RSU1: variants seen among roughly 807,000 people sequenced by gnomAD.
The protein encoded by RSU1 is Ras suppressor protein 1.
Under a neutral mutation model 31.1 loss-of-function variants are expected in RSU1, and 26 were observed. The observed-to-expected ratio is 0.84, with a 90% CI of 0.61 to 1.16. The LOEUF is 1.16. RSU1 is among the 50% of genes most tolerant of loss of function. The pLI, the probability that RSU1 is intolerant of heterozygous loss-of-function variation, is 0.00. For missense variants in RSU1, 320 were observed against 339.1 expected (o/e 0.94, Z 0.44); for synonymous variants, 164 against 136.3 (o/e 1.20, Z -1.41).
intron 2 of RSU1, among the ~76,000 whole-genome samples, chr10:16,809,358 C>A (rs1212817200): frequency 2.0e-5 from 3 of 152,190 alleles, no homozygotes; most frequent in African/African-American, 7.2e-5. Flanking sequence ...GTGAGCTACA[C>A]AGATAAAATG....
intron 8 of RSU1, among the ~76,000 whole-genome samples, chr10:16,598,991 G>T (rs947069770): frequency 1.3e-5 from 2 of 152,198 alleles, no homozygotes; most frequent in Non-Finnish European, 2.9e-5. Context: ...GGAAAAATGG[G>T]TGTTGTTTCT....
At chr10:16,677,972 TA>T (rs1259181175) in intron 8 of RSU1, among the ~76,000 whole-genome samples, 2 of 144,572 alleles carry the variant, frequency 1.4e-5, no homozygotes, top group African/African-American at 2.5e-5. Flanking sequence ...GTTGACAGCT[TA>T]AAAAAATTAA....
chr10:16,718,728 C>T (rs1319397721), intron 7 of RSU1, among the ~76,000 whole-genome samples: 2 of 152,154 alleles, frequency 1.3e-5, no homozygotes, highest in East Asian at 3.8e-4. Context: ...CATCTGTATT[C>T]CCAGCACTTT....
chr10:16,666,850 A>C (rs888031479), intron 8 of RSU1, among the ~76,000 whole-genome samples: 4 of 152,038 alleles, frequency 2.6e-5, no homozygotes, highest in Non-Finnish European at 5.9e-5. Context: ...TTATCCAGGC[A>C]TGGTGACGCA....
rs1380139326 is a variant in RSU1 at position 16,786,300 on chromosome 10, GTGA to G, written c.110-4219_110-4217del. 2.6e-5 allele frequency among the ~76,000 whole-genome samples: 4 copies of G among 152,112 alleles called. No homozygotes were observed. In the East Asian group the frequency reaches 7.7e-4, roughly 29 times the overall value. On this transcript the variant is annotated intron_variant, in intron 2 of 8. Coordinates refer to ENST00000345264, the MANE Select transcript of RSU1 (RefSeq NM_012425.4). Reference sequence around the variant, plus strand: ...TTATAATCTATCATTATTATTTACAGTGATGGTTAAATTGCCCCTGATTTGGCC... The same window carrying G: ...TTATAATCTATCATTATTATTTACAGTGGTTAAATTGCCCCTGATTTGGCC...
At chr10:16,620,515 A>G (rs1444056267) in intron 8 of RSU1, among the ~76,000 whole-genome samples, 1 of 149,890 alleles carries the variant, frequency 6.7e-6, no homozygotes, top group African/African-American at 2.5e-5. Flanking sequence ...ACAATCTTCC[A>G]TTTTTGCGGG....
intron 4 of RSU1, among the ~76,000 whole-genome samples, chr10:16,760,503 C>G (rs1326267655): frequency 4.7e-5 from 7 of 148,390 alleles, no homozygotes; most frequent in Non-Finnish European, 1.0e-4. Flanking sequence ...GAAAGAAACT[C>G]CATCTCAAAA....
At chr10:16,730,291 T>C (rs370419898) in intron 7 of RSU1, among the ~76,000 whole-genome samples, 9 of 152,086 alleles carry the variant, frequency 5.9e-5, no homozygotes, top group Admixed American at 5.9e-4. Context: ...GGATCAAATT[T>C]CAACATCAGA....
At chr10:16,791,607 G>A (rs1185560942) in intron 2 of RSU1, among the ~76,000 whole-genome samples, 4 of 144,914 alleles carry the variant, frequency 2.8e-5, no homozygotes, top group African/African-American at 5.1e-5. Flanking sequence ...CAGCCTGGGC[G>A]ACAGAGCGAG....
In RSU1 at chr10:16,783,333, T is replaced by C. The variant is rs144357659; in HGVS notation, c.110-1249A>G. ...GGGGCTCAGCACGCTTTGAAGAAAATATGCATCACTTCTACTGACCACAAC... is the reference window on the plus strand; with the variant it reads ...GGGGCTCAGCACGCTTTGAAGAAAACATGCATCACTTCTACTGACCACAAC... On this transcript the variant is annotated intron_variant, in intron 2 of 8. Coordinates refer to ENST00000345264, the MANE Select transcript of RSU1 (RefSeq NM_012425.4). 1.2e-3 allele frequency among the ~76,000 whole-genome samples: 188 copies of C among 151,722 alleles called. 1 individual carries two copies. Among genetic ancestry groups the C allele is most frequent in the African/African-American group, 4.2e-3 (175 of 41,300 alleles).
At chr10:16,688,592 G>C (rs575407316) in intron 8 of RSU1, among the ~76,000 whole-genome samples, 1 of 152,308 alleles carries the variant, frequency 6.6e-6, no homozygotes, top group African/African-American at 2.4e-5. Context: ...TTCGGCGACA[G>C]AGCGAGACTC....
intron 8 of RSU1, among the ~76,000 whole-genome samples, chr10:16,607,437 G>A (rs911197970): frequency 1.3e-5 from 2 of 152,236 alleles, no homozygotes; most frequent in African/African-American, 4.8e-5. Context: ...AGGTGTCAGA[G>A]TGCAGGGCAG....
At chr10:16,741,911 A>C (rs1451149126) in intron 7 of RSU1, among the ~76,000 whole-genome samples, 2 of 152,110 alleles carry the variant, frequency 1.3e-5, no homozygotes, top group South Asian at 4.1e-4. Context: ...TCTTTCTTTC[A>C]AAGATTTTCT....
chr10:16,594,692 A>G (rs1419212637), intron 8 of RSU1, among the ~76,000 whole-genome samples: 1 of 146,550 alleles, frequency 6.8e-6, no homozygotes, highest in African/African-American at 2.5e-5. Context: ...TCTGTATATT[A>G]TATGTATCAT....
intron 1 of RSU1, 101 bp from the exon 2 acceptor site, chr10:16,817,185 A>G: frequency 1.3e-6 from 1 of 771,096 alleles, no homozygotes; most frequent in South Asian, 1.4e-5. Flanking sequence ...CCAGGGTTGG[A>G]GCGGGTGGGC....
At chr10:16,630,157 C>A (rs557918438) in intron 8 of RSU1, among the ~76,000 whole-genome samples, 1 of 152,066 alleles carries the variant, frequency 6.6e-6, no homozygotes, top group Admixed American at 6.5e-5. Flanking sequence ...CCTCCTGCAT[C>A]GGCCTCTCAA....
intron 7 of RSU1, among the ~76,000 whole-genome samples, chr10:16,720,306 T>G (rs532995368): frequency 5.1e-4 from 78 of 152,308 alleles, no homozygotes; most frequent in African/African-American, 1.8e-3. Context: ...ATATTCTGGA[T>G]AGCAATGAAC....
chr10:16,747,995 C>T (rs1045771738), intron 7 of RSU1, among the ~76,000 whole-genome samples: 1 of 152,234 alleles, frequency 6.6e-6, no homozygotes, highest in Non-Finnish European at 1.5e-5. Flanking sequence ...GATTGCACCA[C>T]TGCACTCCAG....
At chr10:16,765,858 C>T (rs372999830) in intron 3 of RSU1, among the ~76,000 whole-genome samples, 1 of 152,176 alleles carries the variant, frequency 6.6e-6, no homozygotes, top group African/African-American at 2.4e-5. Flanking sequence ...TGCAGTCAGA[C>T]CTAAACTCAG....
Sources: gnomAD v4.1 joint callset for allele counts (sites outside exome capture counted in the v4.1 genomes callset) on GRCh38, gnomAD v4.1.1 for gene constraint, MANE v1.5 for transcripts, NCBI Gene and HGNC (gene_info 2026-07-23, HGNC 2026-07-21) for gene names.